FAM180A: variants seen among roughly 807,000 people sequenced by gnomAD.
The protein encoded by FAM180A is family with sequence similarity 180 member A.
A neutral mutation model predicts 15.3 loss-of-function variants in FAM180A; 14 were observed. The observed-to-expected ratio is 0.92, with a 90% CI of 0.61 to 1.43. The LOEUF (loss-of-function observed/expected upper bound fraction) is 1.43. Among genes scored for constraint, FAM180A ranks in the 40% most tolerant of loss-of-function variants. FAM180A has a pLI of 0.00. For synonymous variants in FAM180A, 90 were observed against 96.8 expected, an observed-to-expected ratio of 0.93 and a Z score of 0.41; for missense variants, 200 against 220.8, an observed-to-expected ratio of 0.91 and a Z score of 0.60.
chr7:135,739,484 C>T (rs1415234910), intron 1 of FAM180A, among the ~76,000 whole-genome samples: 2 of 144,940 alleles, frequency 1.4e-5, no homozygotes, highest in African/African-American at 2.6e-5. Flanking sequence ...TGGTGGCAGG[C>T]GCCCGTAGTC....
rs774077328 is a variant in FAM180A at position 135,733,932 on chromosome 7, C to T, written c.*43G>A. 1.3e-5 allele frequency: 20 copies of T among 1,523,386 alleles called. No homozygotes were observed. The highest frequency in any genetic ancestry group is 6.9e-5 in the African/African-American group (5 of 72,122). The allele number at this position is 1,523,386 out of a possible 1,614,324, so 94.4% of individuals were successfully genotyped here. On this transcript the variant is annotated 3_prime_UTR_variant, in exon 3 of 4. Coordinates refer to ENST00000338588, the MANE Select transcript of FAM180A (RefSeq NM_205855.4). The stretch of plus-strand genomic sequence containing the variant: ...TAGAGAATGAAGACTTTCTGGATTA[C>T]TGTGCTGGTCCCTGCTCTGAGGTCC...
Position 135,748,618 on chromosome 7 carries a change from C to A in FAM180A, c.-38G>T. The A allele has an allele frequency of 3.3e-6, 5 of 1,515,404 alleles. No homozygotes were observed. Among genetic ancestry groups the A allele is most frequent in the Non-Finnish European group, 4.6e-6 (5 of 1,090,142 alleles). 93.9% of individuals were successfully genotyped at this position (1,515,404 alleles called of 1,614,324 possible). ...AAGGTGAAAAATCGACCCTCAAGCC[C>A]AGTGGAACCCCAGTAGCTGCAGGTA... On this transcript the variant is annotated 5_prime_UTR_variant, in exon 1 of 4. Transcript: ENST00000338588.
chr7:135,734,074 G>A lies in FAM180A; in HGVS notation c.423C>T (p.His141=), dbSNP rs373276479. The change falls in exon 3 of 4, where the codon CAC becomes CAT. Residue 141 remains histidine (H), a synonymous_variant. Transcript: ENST00000338588. ...GCGCCCAGATGTCCTTCTGATGGCCGTGGGACAGGGCTGTGCGGTAGGCTG... is the reference window on the plus strand; with the variant it reads ...GCGCCCAGATGTCCTTCTGATGGCCATGGGACAGGGCTGTGCGGTAGGCTG... ...AYTAYRTALS[H]GHQKDIWAQS... is the part of the protein sequence containing the mutation. The A allele has an allele frequency of 2.9e-5, 47 of 1,614,206 alleles. No homozygotes were observed. Among genetic ancestry groups the A allele is most frequent in the Non-Finnish European group, 3.5e-5 (41 of 1,180,044 alleles).
At chr7:135,738,635 C>T (rs1438191720) in intron 1 of FAM180A, among the ~76,000 whole-genome samples, 1 of 152,192 alleles carries the variant, frequency 6.6e-6, no homozygotes, top group African/African-American at 2.4e-5. Flanking sequence ...TAGGCACTAA[C>T]TGGGGACAAG....
chr7:135,741,002 G>A (rs1796940228), intron 1 of FAM180A, among the ~76,000 whole-genome samples: 1 of 151,864 alleles, frequency 6.6e-6, no homozygotes, highest in African/African-American at 2.4e-5. Flanking sequence ...TCCCAGCAGA[G>A]GAAGGCAATA....
In FAM180A at chr7:135,746,643, G is replaced by A. The variant is rs182939950; in HGVS notation, c.76+1862C>T. Among the ~76,000 whole-genome samples the A allele has an allele frequency of 1.7e-4, 26 of 152,266 alleles. No homozygotes were observed. In the South Asian group the frequency reaches 2.7e-3, roughly 16 times the overall value. ...TGGGCACTGTTACCCTGTTTAATAAGCAAATCCCCAGTGTGACAAAGAGGG... is the reference window on the plus strand; with the variant it reads ...TGGGCACTGTTACCCTGTTTAATAAACAAATCCCCAGTGTGACAAAGAGGG... On this transcript the variant is annotated intron_variant, in intron 1 of 3. Coordinates refer to ENST00000338588, the MANE Select transcript of FAM180A (RefSeq NM_205855.4).
At chr7:135,733,234 G>A (rs1169992892) in intron 3 of FAM180A, among the ~76,000 whole-genome samples, 1 of 152,152 alleles carries the variant, frequency 6.6e-6, no homozygotes, top group African/African-American at 2.4e-5. Flanking sequence ...TAGAACCTCT[G>A]GAAAAATGTT....
At chr7:135,739,339 G>A (rs767516070) in intron 1 of FAM180A, among the ~76,000 whole-genome samples, 100 of 146,228 alleles carry the variant, frequency 6.8e-4, no homozygotes, top group Non-Finnish European at 1.2e-3. Context: ...TGCTGGGCGC[G>A]GTGGCTCACA....
intron 1 of FAM180A, among the ~76,000 whole-genome samples, chr7:135,743,059 A>G (rs187663887): frequency 1.2e-4 from 19 of 152,322 alleles, no homozygotes; most frequent in Admixed American, 1.2e-3. Flanking sequence ...TTATGAATGA[A>G]TGAATGCCTA....
intron 1 of FAM180A, among the ~76,000 whole-genome samples, chr7:135,743,029 A>G (rs1796974171): frequency 1.3e-5 from 2 of 152,202 alleles, no homozygotes; most frequent in Admixed American, 1.3e-4. Flanking sequence ...ATAACTACAG[A>G]AAGGATAAAT....
In FAM180A at chr7:135,729,874, G is replaced by T; in HGVS notation, c.*737C>A. On this transcript the variant is annotated 3_prime_UTR_variant, in exon 4 of 4. Coordinates refer to ENST00000338588, the MANE Select transcript of FAM180A (RefSeq NM_205855.4). ...CAGGGGGAAGGGGAAAAGAGGAGTTGTTCGGTGGGTATAGAACTTCAGAAT... is the reference window on the plus strand; with the variant it reads ...CAGGGGGAAGGGGAAAAGAGGAGTTTTTCGGTGGGTATAGAACTTCAGAAT... The T allele has an allele frequency of 1.4e-6, 1 of 699,770 alleles. No homozygotes were observed. Among genetic ancestry groups the T allele is most frequent in the Non-Finnish European group, 1.8e-6 (1 of 569,416 alleles). 43.3% of individuals were successfully genotyped at this position (699,770 alleles called of 1,614,324 possible). A position where few individuals can be genotyped will look rare whatever the true frequency, so the allele number is the denominator to read the frequency against.
intron 1 of FAM180A, among the ~76,000 whole-genome samples, chr7:135,746,218 C>T (rs1797030592): frequency 6.6e-6 from 1 of 151,972 alleles, no homozygotes; most frequent in Non-Finnish European, 1.5e-5. Context: ...AGGACATGGC[C>T]CGGAGAAGTT....
chr7:135,748,648 C>G lies in FAM180A; in HGVS notation c.-68G>C. On this transcript the variant is annotated 5_prime_UTR_variant, in exon 1 of 4. Coordinates refer to ENST00000338588, the MANE Select transcript of FAM180A (RefSeq NM_205855.4). ...GAACCCCAGTAGCTGCAGGTATGCC[C>G]GTGCCGTTCTTCCCAGTGAGATGAT... 4.1e-6 allele frequency: 5 copies of G among 1,225,390 alleles called. No homozygotes were observed. Among genetic ancestry groups the G allele is most frequent in the Non-Finnish European group, 3.6e-6 (3 of 827,256 alleles). The allele number at this position is 1,225,390 out of a possible 1,614,324, so 75.9% of individuals were successfully genotyped here. A position where few individuals can be genotyped will look rare whatever the true frequency, so the allele number is the denominator to read the frequency against.
Position 135,748,693 on chromosome 7 carries a change from C to A in FAM180A, c.-113G>T. On this transcript the variant is annotated 5_prime_UTR_variant, in exon 1 of 4. In the 5' UTR this introduces an upstream ATG that the reference lacks. Transcript: ENST00000338588. ...GATGATGGAGTGCTTCCCTCCCTTC[C>A]TTTTGCAGACGTGCAGAAATGCCTA... is the stretch of plus-strand genomic sequence containing the variant. The A allele has an allele frequency of 1.2e-6, 1 of 833,020 alleles. No homozygotes were observed. Among genetic ancestry groups the A allele is most frequent in the Non-Finnish European group, 2.0e-6 (1 of 487,856 alleles). 51.6% of individuals were successfully genotyped at this position (833,020 alleles called of 1,614,324 possible).
intron 1 of FAM180A, among the ~76,000 whole-genome samples, chr7:135,745,279 G>A (rs986196116): frequency 6.6e-6 from 1 of 152,218 alleles, no homozygotes; most frequent in Admixed American, 6.5e-5. Context: ...AAAATGGAAG[G>A]GCTGCTCTAT....
intron 2 of FAM180A, among the ~76,000 whole-genome samples, chr7:135,735,004 C>A (rs1468249630): frequency 6.6e-6 from 1 of 152,062 alleles, no homozygotes; most frequent in Non-Finnish European, 1.5e-5. Flanking sequence ...TGGGTTCAAG[C>A]GATTCTCCTG....
rs779466787 is a variant in FAM180A, at chr7:135,748,703, C to G, written c.-123G>C. 2 of 796,070 alleles carry G rather than the reference C, an allele frequency of 2.5e-6. No individual in the cohort carries two copies. The allele number at this position is 796,070 out of a possible 1,614,324, so 49.3% of individuals were successfully genotyped here. On this transcript the variant is annotated 5_prime_UTR_variant, in exon 1 of 4. Transcript: ENST00000338588. The stretch of plus-strand genomic sequence containing the variant: ...TGCTTCCCTCCCTTCCTTTTGCAGA[C>G]GTGCAGAAATGCCTACTCTGCCTCA...
At chr7:135,745,135 G>C (rs558048483) in intron 1 of FAM180A, among the ~76,000 whole-genome samples, 1 of 151,694 alleles carries the variant, frequency 6.6e-6, no homozygotes, top group East Asian at 1.9e-4. Flanking sequence ...AATTATAGGC[G>C]TGCACCACCG....
At chr7:135,730,963 A>ATTT (rs33979475) in intron 3 of FAM180A, among the ~76,000 whole-genome samples, 24 of 150,978 alleles carry the variant, frequency 1.6e-4, no homozygotes, top group Non-Finnish European at 2.2e-4. Flanking sequence ...TCTTTTTTCT[A>ATTT]TTTTTTTTTC....
Sources: gnomAD v4.1 joint callset for allele counts (sites outside exome capture counted in the v4.1 genomes callset) on GRCh38, gnomAD v4.1.1 for gene constraint, MANE v1.5 for transcripts, NCBI Gene and HGNC (gene_info 2026-07-23, HGNC 2026-07-21) for gene names.